Variants in ITFG1 observed in about 807,000 individuals in gnomAD.
ITFG1 encodes the protein T-cell immunomodulatory protein.
A neutral mutation model predicts 81.8 loss-of-function variants in ITFG1; 34 were observed. That is an observed-to-expected ratio of 0.42 (90% CI 0.32 to 0.55). The LOEUF (loss-of-function observed/expected upper bound fraction) is 0.55, where lower values mean the gene tolerates loss of function less well. ITFG1 is among the 20% of genes least tolerant of loss of function. The probability of loss-of-function intolerance (pLI) is 0.17; values close to 1 mark genes in which losing one functional copy is unlikely to be tolerated. For missense variants in ITFG1, 672 were observed against 755.4 expected (o/e 0.89, Z 1.29); for synonymous variants, 285 against 270.6 (o/e 1.05, Z -0.52).
intron 8 of ITFG1, among the ~76,000 whole-genome samples, chr16:47,350,500 C>A (rs1360025643): frequency 6.6e-6 from 1 of 152,078 alleles, no homozygotes; most frequent in African/African-American, 2.4e-5. Context: ...TACGTCCTCC[C>A]AAGACTAAAC....
chr16:47,318,641 G>T (rs138235725), intron 8 of ITFG1, among the ~76,000 whole-genome samples: 150 of 152,062 alleles, frequency 9.9e-4, no homozygotes, highest in East Asian at 7.9e-3. Context: ...TTATATCTAT[G>T]CTTATTTACT....
At chr16:47,212,279 T>C (rs1375975736) in intron 14 of ITFG1, among the ~76,000 whole-genome samples, 2 of 152,248 alleles carry the variant, frequency 1.3e-5, no homozygotes, top group South Asian at 2.1e-4. Context: ...AGTGGTGCAA[T>C]TGTGGCTCAC....
At chr16:47,212,973 G>T (rs961186938) in intron 14 of ITFG1, among the ~76,000 whole-genome samples, 1 of 152,028 alleles carries the variant, frequency 6.6e-6, no homozygotes, top group African/African-American at 2.4e-5. Flanking sequence ...CTATTCATAG[G>T]TTGTTGAGGT....
At chr16:47,188,575 GA>G (rs1965254109) in intron 14 of ITFG1, among the ~76,000 whole-genome samples, 1 of 134,348 alleles carries the variant, frequency 7.4e-6, no homozygotes, top group South Asian at 2.4e-4. Context: ...AGAACACATG[GA>G]CAGAGGAAGG....
At chr16:47,258,583 G>A (rs933706281) in intron 12 of ITFG1, 49 bp downstream of exon 12, 2 of 844,522 alleles carry the variant, frequency 2.4e-6, no homozygotes, top group East Asian at 5.0e-5. Context: ...AATATGTGGA[G>A]AGAGGGGAAG....
intron 13 of ITFG1, 34 bp downstream of exon 13, chr16:47,237,931 T>C (rs774385590): frequency 4.3e-6 from 4 of 935,766 alleles, no homozygotes; most frequent in African/African-American, 3.4e-5. Context: ...AGAATTTTCA[T>C]AGACATATTT....
intron 14 of ITFG1, among the ~76,000 whole-genome samples, chr16:47,193,271 T>G (rs2151518176): frequency 6.6e-6 from 1 of 151,894 alleles, no homozygotes; most frequent in South Asian, 2.1e-4. Flanking sequence ...GATTTTTCAC[T>G]CATTATTCAT....
intron 10 of ITFG1, among the ~76,000 whole-genome samples, chr16:47,281,221 G>A (rs939235728): frequency 2.0e-5 from 3 of 152,162 alleles, no homozygotes; most frequent in Non-Finnish European, 4.4e-5. Context: ...TGGGAATTTG[G>A]TGTCAGTGGC....
chr16:47,289,735 CTTTT>C (rs1184859126), intron 10 of ITFG1, among the ~76,000 whole-genome samples: 1 of 151,646 alleles, frequency 6.6e-6, no homozygotes, highest in South Asian at 2.1e-4. Context: ...GGCCTTTCCT[CTTTT>C]TTTTATCTAG....
intron 6 of ITFG1, among the ~76,000 whole-genome samples, chr16:47,383,088 A>AT (rs1260889153): frequency 6.6e-6 from 1 of 152,140 alleles, no homozygotes; most frequent in African/African-American, 2.4e-5. Flanking sequence ...TAGATTTAAT[A>AT]TTTTCAATAT....
At chr16:47,157,842 G>GA (rs1288056251) in intron 17 of ITFG1, among the ~76,000 whole-genome samples, 1 of 152,088 alleles carries the variant, frequency 6.6e-6, no homozygotes, top group African/African-American at 2.4e-5. Context: ...TGCAAAAAAA[G>GA]AAAAACACCT....
chr16:47,257,677 G>A lies in ITFG1; in HGVS notation c.1330+955C>T, dbSNP rs554629488. Among the ~76,000 whole-genome samples the A allele has an allele frequency of 4.6e-5, 7 of 152,290 alleles. 1 individual carries two copies. The East Asian group carries it at 1.4e-3, about 29-fold the overall frequency. ...TTAGCTCATACAAATGTAAATAGAT[G>A]TAAAAATAGTTACAAATGTGTAGAC... On this transcript the variant is annotated intron_variant, in intron 12 of 17. Transcript: ENST00000320640.
At chr16:47,215,535 ATATATTTGTCCTACACAC>A (rs1198831640) in intron 14 of ITFG1, among the ~76,000 whole-genome samples, 3 of 152,214 alleles carry the variant, frequency 2.0e-5, no homozygotes, top group African/African-American at 7.2e-5. Flanking sequence ...TAGTTTGTTT[ATATATTTGTCCTACACAC>A]AGACACACTT....
At chr16:47,360,476 T>C (rs1163115520) in intron 8 of ITFG1, among the ~76,000 whole-genome samples, 5 of 152,168 alleles carry the variant, frequency 3.3e-5, no homozygotes, top group African/African-American at 1.2e-4. Flanking sequence ...AGAGTGCCAT[T>C]AATGTAAGAC....
intron 10 of ITFG1, among the ~76,000 whole-genome samples, chr16:47,283,296 A>G (rs769455324): frequency 6.6e-6 from 1 of 152,146 alleles, no homozygotes; most frequent in African/African-American, 2.4e-5. Flanking sequence ...ATTTTTCTGC[A>G]TATGGCTAGC....
intron 14 of ITFG1, among the ~76,000 whole-genome samples, chr16:47,174,196 G>C (rs1461511460): frequency 3.3e-5 from 5 of 152,132 alleles, no homozygotes; most frequent in Admixed American, 1.3e-4. Flanking sequence ...TAACAATGCA[G>C]TATAGGAGAT....
At chr16:47,451,169 G>A (rs975974112) in intron 5 of ITFG1, among the ~76,000 whole-genome samples, 2 of 152,110 alleles carry the variant, frequency 1.3e-5, no homozygotes, top group African/African-American at 4.8e-5. Context: ...ATGGGGACCC[G>A]TAAAGTTTCA....
chr16:47,368,378 C>T (rs562241636), intron 7 of ITFG1, among the ~76,000 whole-genome samples: 5 of 151,022 alleles, frequency 3.3e-5, no homozygotes, highest in Admixed American at 2.6e-4. Flanking sequence ...ATGATGAAAC[C>T]CCATCTCTAC....
At chr16:47,435,422 A>T (rs1323033718) in intron 5 of ITFG1, among the ~76,000 whole-genome samples, 5 of 152,198 alleles carry the variant, frequency 3.3e-5, no homozygotes, top group Non-Finnish European at 7.3e-5. Context: ...ACATTTCTTG[A>T]CCTCTGTAGA....
Sources: gnomAD v4.1 joint callset for allele counts (sites outside exome capture counted in the v4.1 genomes callset) on GRCh38, gnomAD v4.1.1 for gene constraint, MANE v1.5 for transcripts, NCBI Gene and HGNC (gene_info 2026-07-23, HGNC 2026-07-21) for gene names.